Variants in HORMAD2 observed in about 807,000 individuals in gnomAD.
HORMAD2 encodes the protein HORMA domain-containing protein 2.
HORMAD2 carries 45 observed loss-of-function variants against 38.8 expected under a neutral mutation model. That is an observed-to-expected ratio of 1.16 (90% CI 0.91 to 1.49). HORMAD2 has a LOEUF of 1.49. Among genes scored for constraint, HORMAD2 ranks in the 40% most tolerant of loss-of-function variants. The pLI, the probability that HORMAD2 is intolerant of heterozygous loss-of-function variation, is 0.00. For synonymous variants in HORMAD2, 126 were observed against 122.8 expected, an observed-to-expected ratio of 1.03 and a Z score of -0.17; for missense variants, 338 against 367.0, an observed-to-expected ratio of 0.92 and a Z score of 0.65.
At chr22:30,122,312 T>C (rs1463701520) in intron 10 of HORMAD2, 98 bp downstream of exon 10, 4 of 1,183,142 alleles carry the variant, frequency 3.4e-6, no homozygotes, top group Non-Finnish European at 4.6e-6. Context: ...GTGCCAGCTA[T>C]AAAAACTGAA....
At chr22:30,206,862 G>C in the HORMAD2 span, 1 of 324,098 alleles carries the variant, frequency 3.1e-6, no homozygotes, top group Non-Finnish European at 6.3e-6. Context: ...GCTTCCACCA[G>C]GGCCACTGTG....
chr22:30,121,584 T>C (rs1440659528), intron 8 of HORMAD2, 48 bp from the exon 9 acceptor site: 2 of 1,416,566 alleles, frequency 1.4e-6, no homozygotes, highest in South Asian at 1.6e-5. Flanking sequence ...TTGGGATAGA[T>C]TGCCACTATT....
chr22:30,183,414 C>G, the HORMAD2 span, among the ~76,000 whole-genome samples: 1 of 152,152 alleles, frequency 6.6e-6, no homozygotes, highest in African/African-American at 2.4e-5. Flanking sequence ...TTTCAGCTTT[C>G]GTGTTACAGG....
intron 10 of HORMAD2, among the ~76,000 whole-genome samples, chr22:30,139,673 A>G (rs1007255479): frequency 3.3e-5 from 5 of 151,938 alleles, no homozygotes; most frequent in African/African-American, 1.2e-4. Flanking sequence ...CTTGTTCCTA[A>G]TCTTAGAGAA....
In HORMAD2 at chr22:30,121,753, G is replaced by A. The variant is rs2146129180; in HGVS notation, c.532G>A (p.Val178Ile). The A allele has an allele frequency of 1.9e-6, 3 of 1,612,446 alleles. No individual in the cohort carries two copies. The South Asian group carries it at 3.3e-5, about 18-fold the overall frequency. Residue 178 changes from valine to isoleucine, a missense_variant, in exon 9 of 11, where the codon GTT (valine) becomes ATT (isoleucine). Physicochemically the swap from Val to Ile is conservative, Grantham distance 29. Coordinates refer to ENST00000336726, the MANE Select transcript of HORMAD2 (RefSeq NM_152510.4). ...MQDLEPLPNNVVLTMKLHYYN... is the reference protein window; with the variant it reads ...MQDLEPLPNNIVLTMKLHYYN... ...GGACCTTGAGCCACTTCCTAATAAT[G>A]TTGTACTTACTATGAAACTCCACTA... is the stretch of plus-strand genomic sequence containing the variant.
chr22:30,156,012 C>T (rs1017510178), intron 10 of HORMAD2, among the ~76,000 whole-genome samples: 7 of 151,362 alleles, frequency 4.6e-5, no homozygotes, highest in African/African-American at 1.7e-4. Flanking sequence ...GATGACCCTG[C>T]TTACCCTGCT....
intron 10 of HORMAD2, among the ~76,000 whole-genome samples, chr22:30,152,116 T>C (rs1924788652): frequency 6.6e-6 from 1 of 152,116 alleles, no homozygotes. Flanking sequence ...CTTCCCCAAC[T>C]ACTCTCTTCA....
At chr22:30,194,650 G>A in the HORMAD2 span, among the ~76,000 whole-genome samples, 3 of 152,206 alleles carry the variant, frequency 2.0e-5, no homozygotes, top group Non-Finnish European at 4.4e-5. Context: ...TGAATTCTAG[G>A]ATTTCATGTA....
rs111673988 is a variant in HORMAD2, at chr22:30,089,358, T to C, written c.-37-4558T>C. Among the ~76,000 whole-genome samples the C allele has an allele frequency of 7.5e-4, 96 of 128,220 alleles. 2 individuals carry two copies. The Middle Eastern group carries it at 0.013, about 18-fold the overall frequency. 84.1% of individuals were successfully genotyped at this position (128,220 alleles called of 152,430 possible). ...AAGGGAAAATTTGCTGCTGCTTCTT[T>C]TTTTTTTTTTTTGAGATGGAGTCTG... is the stretch of plus-strand genomic sequence containing the variant. On this transcript the variant is annotated intron_variant, in intron 1 of 10. Transcript: ENST00000336726.
intron 10 of HORMAD2, among the ~76,000 whole-genome samples, chr22:30,138,742 C>T (rs1360471862): frequency 2.0e-5 from 3 of 152,044 alleles, no homozygotes; most frequent in Non-Finnish European, 4.4e-5. Context: ...TGCACAATAG[C>T]ATGAAAAGAA....
At chr22:30,164,920 C>G (rs1348183230) in intron 10 of HORMAD2, among the ~76,000 whole-genome samples, 1 of 152,192 alleles carries the variant, frequency 6.6e-6, no homozygotes, top group African/African-American at 2.4e-5. Flanking sequence ...TTGATAATAG[C>G]ATCCTTTGAT....
intron 10 of HORMAD2, among the ~76,000 whole-genome samples, chr22:30,149,432 G>T (rs1177441282): frequency 6.6e-6 from 1 of 152,166 alleles, no homozygotes; most frequent in Non-Finnish European, 1.5e-5. Flanking sequence ...TACTGTATTG[G>T]ACAGCACAGA....
the HORMAD2 span, among the ~76,000 whole-genome samples, chr22:30,194,824 G>A: frequency 6.6e-6 from 1 of 152,134 alleles, no homozygotes; most frequent in African/African-American, 2.4e-5. Context: ...ACACAGGGTG[G>A]TAAAAGTCCT....
Position 30,121,664 on chromosome 22 carries a change from C to CA in HORMAD2, c.446dup (p.Asn149LysfsTer3). Reference sequence around the variant, plus strand: ...AGCAGTACAAGCTTTGAAAGTGGAACAAACAATGAAGATATTAAGAAAGCC... The same window carrying CA: ...AGCAGTACAAGCTTTGAAAGTGGAACAAAACAATGAAGATATTAAGAAAGCC... On this transcript the variant is annotated frameshift_variant, in exon 9 of 11. Transcript: ENST00000336726. LOFTEE classifies it high-confidence loss of function. 6.2e-7 allele frequency: 1 copy of CA among 1,602,044 alleles called. No individual in the cohort carries two copies. The highest frequency in any genetic ancestry group is 1.1e-5 in the South Asian group (1 of 88,946).
At chr22:30,194,625 T>G in the HORMAD2 span, among the ~76,000 whole-genome samples, 2 of 152,178 alleles carry the variant, frequency 1.3e-5, no homozygotes, top group African/African-American at 4.8e-5. Context: ...TCCAATATCA[T>G]TGTGGCAATG....
chr22:30,166,197 T>A (rs1925771110), intron 10 of HORMAD2, among the ~76,000 whole-genome samples: 1 of 152,148 alleles, frequency 6.6e-6, no homozygotes, highest in African/African-American at 2.4e-5. Context: ...TATAATAATA[T>A]GCCTTTGTGT....
At chr22:30,100,041 A>G (rs757648381) in intron 3 of HORMAD2, among the ~76,000 whole-genome samples, 5 of 152,226 alleles carry the variant, frequency 3.3e-5, no homozygotes, top group Admixed American at 6.5e-5. Context: ...TGTTATTCCC[A>G]TCAAGCTACC....
chr22:30,184,950 G>A, the HORMAD2 span, among the ~76,000 whole-genome samples: 1 of 152,312 alleles, frequency 6.6e-6, no homozygotes, highest in South Asian at 2.1e-4. Flanking sequence ...AGTCTGGATT[G>A]TAATCTTAAT....
intron 10 of HORMAD2, among the ~76,000 whole-genome samples, chr22:30,165,971 T>G (rs1396755839): frequency 6.6e-6 from 1 of 151,258 alleles, no homozygotes; most frequent in Non-Finnish European, 1.5e-5. Context: ...TATTATTCTT[T>G]TTCTTTATTC....
Sources: allele counts gnomAD v4.1 joint callset (sites outside exome capture counted in the v4.1 genomes callset), GRCh38; gene constraint gnomAD v4.1.1; transcripts MANE v1.5; gene names NCBI Gene and HGNC (gene_info 2026-07-23, HGNC 2026-07-21).